Variants in OSR1 observed in about 807,000 individuals in gnomAD.
OSR1 encodes odd-skipped related transcription factor 1, also known as protein odd-skipped-related 1.
A neutral mutation model predicts 15.7 loss-of-function variants in OSR1; 3 were observed. The observed-to-expected ratio is 0.19, with a 90% CI of 0.09 to 0.50. OSR1 has a LOEUF of 0.50. OSR1 is among the 20% of genes least tolerant of loss of function. The pLI, the probability that OSR1 is intolerant of heterozygous loss-of-function variation, is 0.97. For missense variants in OSR1, 271 were observed against 351.1 expected (o/e 0.77, Z 1.82); for synonymous variants, 166 against 152.7 (o/e 1.09, Z -0.64).
intron 1 of OSR1, chr2:19,356,240 T>C (rs1476012595): frequency 1.3e-5 from 2 of 152,320 alleles, no homozygotes; most frequent in African/African-American, 4.8e-5. Context: ...CGTCTTGGGC[T>C]CCGTAGGGGG....
chr2:19,345,885 C>A, the OSR1 span, among the ~76,000 whole-genome samples: 1 of 152,204 alleles, frequency 6.6e-6, no homozygotes, highest in Non-Finnish European at 1.5e-5. Flanking sequence ...AATGCCCAAG[C>A]AAATTTCAAT....
chr2:19,348,596 G>T (rs1664780335), downstream of OSR1: 1 of 154,288 alleles, frequency 6.5e-6, no homozygotes, highest in African/African-American at 2.4e-5. Flanking sequence ...GGGAGCTGAG[G>T]TCACGTCAGG....
chr2:19,352,468 G>GC, intron 2 of OSR1, 58 bp from the exon 3 acceptor site: 2 of 1,592,064 alleles, frequency 1.3e-6, no homozygotes, highest in South Asian at 2.2e-5. Flanking sequence ...ATAAACAGTT[G>GC]CCCAAGATCC....
Position 19,351,621 on chromosome 2 carries a change from T to C in OSR1, c.*654A>G, listed in dbSNP as rs893324972. On this transcript the variant is annotated 3_prime_UTR_variant, in exon 3 of 3. Coordinates refer to ENST00000272223, the MANE Select transcript of OSR1 (RefSeq NM_145260.3). ...CTTGGCTGGCTGCTCCCTCGCAGTG[T>C]CGCGGCAGCGGAGGCCGGGCCCCCT... The C allele has an allele frequency of 6.6e-6, 1 of 152,398 alleles. No homozygotes were observed. The highest frequency in any genetic ancestry group is 6.5e-5 in the Admixed American group (1 of 15,276). 9.4% of individuals were successfully genotyped at this position (152,398 alleles called of 1,614,324 possible).
rs1664855222 is a variant in OSR1, at chr2:19,352,196, GC to G, written c.*78del. On this transcript the variant is annotated 3_prime_UTR_variant, in exon 3 of 3. Coordinates refer to ENST00000272223, the MANE Select transcript of OSR1 (RefSeq NM_145260.3). ...GTCCCGAGCGAGCGCCTCTCCCGCTGCCCGCCAGAGTCAGGCTTCTGGTCCC... is the reference window on the plus strand; with the variant it reads ...GTCCCGAGCGAGCGCCTCTCCCGCTGCCGCCAGAGTCAGGCTTCTGGTCCC... The G allele has an allele frequency of 6.6e-7, 1 of 1,504,930 alleles. No homozygotes were observed. The highest frequency in any genetic ancestry group is 9.0e-7 in the Non-Finnish European group (1 of 1,105,134). 93.2% of individuals were successfully genotyped at this position (1,504,930 alleles called of 1,614,324 possible). A position where few individuals can be genotyped will look rare whatever the true frequency, so the allele number is the denominator to read the frequency against.
downstream of OSR1, among the ~76,000 whole-genome samples, chr2:19,349,963 G>C (rs931535076): frequency 6.6e-6 from 1 of 152,218 alleles, no homozygotes; most frequent in Non-Finnish European, 1.5e-5. Flanking sequence ...CTTGGGCGCA[G>C]ACCGTCTACA....
At chr2:19,350,881 C>G (rs1386811643), downstream of OSR1, among the ~76,000 whole-genome samples, 1 of 152,058 alleles carries the variant, frequency 6.6e-6, no homozygotes, top group African/African-American at 2.4e-5. Context: ...TAGGAGGGGA[C>G]AAGTCCCAAG....
At chr2:19,345,150 CAGTT>C in the OSR1 span, among the ~76,000 whole-genome samples, 2 of 152,108 alleles carry the variant, frequency 1.3e-5, no homozygotes, top group Non-Finnish European at 1.5e-5. Flanking sequence ...ACTAAAGTGT[CAGTT>C]AGGAATTAAC....
chr2:19,354,058 C>G (rs1308162835), intron 1 of OSR1: 19 of 498,858 alleles, frequency 3.8e-5, no homozygotes, highest in Non-Finnish European at 6.8e-5. Context: ...GGTCTAAGGG[C>G]TCCCTCCAAA....
At position 19,353,742 on chromosome 2, in the gene OSR1, A is replaced by G. The variant is rs1288940098; in HGVS notation, c.64T>C (p.Ser22Pro). Residue 22 changes from serine to proline, a missense_variant, in exon 2 of 3, where the codon TCC becomes CCC. Coordinates refer to ENST00000272223, the MANE Select transcript of OSR1 (RefSeq NM_145260.3). Reference protein sequence around the residue: ...IHPSLQLTNYSFLQAVNGLPT... With the variant: ...IHPSLQLTNYPFLQAVNGLPT... ...AGGCCGTTCACTGCCTGAAGGAAGG[A>G]GTAGTTGGTGAGCTGCAGGGAAGGG... is the stretch of plus-strand genomic sequence containing the variant. 2 of 1,613,992 alleles carry G rather than the reference A, an allele frequency of 1.2e-6. No individual in the cohort carries two copies. Among genetic ancestry groups the G allele is most frequent in the Non-Finnish European group, 1.7e-6 (2 of 1,179,982 alleles).
Position 19,353,211 on chromosome 2 carries a change from C to T in OSR1, c.595G>A (p.Asp199Asn), listed in dbSNP as rs1236849681. The T allele has an allele frequency of 1.1e-5, 17 of 1,614,102 alleles. No homozygotes were observed. The highest frequency in any genetic ancestry group is 2.7e-5 in the African/African-American group (2 of 74,932). ...NLLIHERTHT[D>N]ERPYTCDICH... ...ATGTCACAGGTGTAGGGCCGCTCGT[C>T]GGTGTGCGTCCGCTCATGGATAAGT... The change falls in exon 2 of 3, where the codon GAC becomes AAC. Residue 199 changes from aspartate (D) to asparagine (N), a missense_variant. Asp to Asn is a conservative substitution (Grantham distance 23). Transcript: ENST00000272223.
At position 19,351,999 on chromosome 2, in the gene OSR1, T is replaced by G; in HGVS notation, c.*276A>C. On this transcript the variant is annotated 3_prime_UTR_variant, in exon 3 of 3. Coordinates refer to ENST00000272223, the MANE Select transcript of OSR1 (RefSeq NM_145260.3). ...GCGCCGCTGCGGCTCCGCGGAGCTT[T>G]CGTTCTTTTTTTAATGCAGTTTCCC... The G allele has an allele frequency of 3.0e-6, 1 of 335,782 alleles. No homozygotes were observed. The highest frequency in any genetic ancestry group is 5.4e-6 in the Non-Finnish European group (1 of 185,410). 20.8% of individuals were successfully genotyped at this position (335,782 alleles called of 1,614,324 possible).
downstream of OSR1, chr2:19,348,614 A>C (rs1664780507): frequency 6.5e-6 from 1 of 154,316 alleles, no homozygotes; most frequent in Non-Finnish European, 1.5e-5. Context: ...AGGGAGTCCC[A>C]GAGCATCACA....
At chr2:19,355,200 C>T (rs1664924449) in intron 1 of OSR1, 1 of 152,298 alleles carries the variant, frequency 6.6e-6, no homozygotes, top group Non-Finnish European at 1.5e-5. Flanking sequence ...GTCATTGTCA[C>T]AGCAGGGTCC....
downstream of OSR1, among the ~76,000 whole-genome samples, chr2:19,350,225 G>A (rs1444035188): frequency 6.6e-6 from 1 of 152,146 alleles, no homozygotes; most frequent in Non-Finnish European, 1.5e-5. Context: ...GTTTCGCGAG[G>A]TTGCGGGCAA....
chr2:19,352,451 C>T, intron 2 of OSR1, 41 bp from the exon 3 acceptor site: 1 of 1,610,368 alleles, frequency 6.2e-7, no homozygotes, highest in East Asian at 2.2e-5. Context: ...CAAAATGATG[C>T]AATGTTATAA....
rs1446899494 is a variant in OSR1 at position 19,357,971 on chromosome 2, C to T, written c.-33+370G>A. The T allele has an allele frequency of 6.6e-6, 1 of 152,302 alleles. No homozygotes were observed. Among genetic ancestry groups the T allele is most frequent in the Non-Finnish European group, 1.5e-5 (1 of 68,060 alleles). 9.4% of individuals were successfully genotyped at this position (152,302 alleles called of 1,614,324 possible). A position where few individuals can be genotyped will look rare whatever the true frequency, so the allele number is the denominator to read the frequency against. On this transcript the variant is annotated intron_variant, in intron 1 of 2. Transcript: ENST00000272223. This position sits in a 1 kb window ranked among gnomAD's most constrained non-coding sequence, Gnocchi z 5.0. ...CCTGGGCGTCAGCCAGAGCTAGGAG[C>T]GCGTCTCAGGAAAGTTTGTGCCCGC...
rs1558359038 is a variant in OSR1, at chr2:19,352,033, C to A, written c.*242G>T. The A allele has an allele frequency of 5.0e-6, 2 of 397,100 alleles. No homozygotes were observed. The highest frequency in any genetic ancestry group is 2.0e-5 in the African/African-American group (1 of 49,332). The allele number at this position is 397,100 out of a possible 1,614,324, so 24.6% of individuals were successfully genotyped here. Reference sequence around the variant, plus strand: ...TTTTAATGCAGTTTCCCTTCCGCCACGTGAGTACCGCCTTTTGGCCAAGAG... The same window carrying A: ...TTTTAATGCAGTTTCCCTTCCGCCAAGTGAGTACCGCCTTTTGGCCAAGAG... On this transcript the variant is annotated 3_prime_UTR_variant, in exon 3 of 3. Coordinates refer to ENST00000272223, the MANE Select transcript of OSR1 (RefSeq NM_145260.3).
Position 19,353,503 on chromosome 2 carries a change from C to A in OSR1, c.303G>T (p.Glu101Asp). Residue 101 changes from glutamate (E) to aspartate (D), a missense_variant, in exon 2 of 3, where the codon GAG becomes GAT. By Grantham distance (45) the Glu-to-Asp change is conservative. Around this residue, in one of 4 missense-constraint regions of OSR1, gnomAD observed 210 missense variants for 218.4 expected, o/e 0.96. Coordinates refer to ENST00000272223, the MANE Select transcript of OSR1 (RefSeq NM_145260.3). ...CTGGAACGCTGCCTCCAGCGGTGAT[C>A]TCGGGCTTGGGTTGAATGACATGAG... The part of the protein sequence containing the change: ...WFPHVIQPKP[E>D]ITAGGSVPAL... 2 of 1,614,216 alleles carry A rather than the reference C, an allele frequency of 1.2e-6. No homozygotes were observed. The highest frequency in any genetic ancestry group is 1.7e-6 in the Non-Finnish European group (2 of 1,180,028).
Sources: allele counts gnomAD v4.1 joint callset (sites outside exome capture counted in the v4.1 genomes callset), GRCh38; gene constraint gnomAD v4.1.1; regional missense constraint gnomAD v4.1.1; non-coding constraint Gnocchi (gnomAD v3.1); transcripts MANE v1.5; gene names NCBI Gene and HGNC (gene_info 2026-07-23, HGNC 2026-07-21).